RBFOX1: variants seen among roughly 807,000 people sequenced by gnomAD.
RBFOX1 encodes RNA binding protein fox-1 homolog 1.
RBFOX1 carries 8 observed loss-of-function variants against 57.7 expected under a neutral mutation model. The ratio of observed to expected loss-of-function variants is 0.14; its 90% CI spans 0.08 to 0.25. The LOEUF (loss-of-function observed/expected upper bound fraction) is 0.25, where lower values mean the gene tolerates loss of function less well. Ranked by LOEUF, RBFOX1 falls within the 10% of genes least tolerant of loss-of-function variation. The pLI, the probability that RBFOX1 is intolerant of heterozygous loss-of-function variation, is 1.00. For missense variants in RBFOX1, 611 were observed against 548.5 expected (o/e 1.11, Z -1.14); for synonymous variants, 326 against 222.4 (o/e 1.47, Z -4.15).
chr16:7,681,886 C>T (rs1277753182), intron 14 of RBFOX1, among the ~76,000 whole-genome samples: 2 of 152,108 alleles, frequency 1.3e-5, no homozygotes, highest in African/African-American at 4.8e-5. Flanking sequence ...AGCTAAACAG[C>T]AGTAGCAGCC....
intron 1 of RBFOX1, among the ~76,000 whole-genome samples, chr16:6,053,470 G>A (rs1323874396): frequency 6.6e-6 from 1 of 152,208 alleles, no homozygotes; most frequent in Non-Finnish European, 1.5e-5. Flanking sequence ...TGTCACTGCA[G>A]TGGCTGAATG....
intron 4 of RBFOX1, among the ~76,000 whole-genome samples, chr16:7,160,739 A>G (rs971288652): frequency 1.3e-5 from 2 of 151,510 alleles, no homozygotes; most frequent in Non-Finnish European, 2.9e-5. Context: ...TTCTTAACAT[A>G]GGTACCTATG....
chr16:7,687,801 A>G (rs934010420), intron 14 of RBFOX1, among the ~76,000 whole-genome samples: 3 of 152,054 alleles, frequency 2.0e-5, no homozygotes, highest in Non-Finnish European at 4.4e-5. Context: ...TTAAACCCAA[A>G]AGACACAACT....
intron 4 of RBFOX1, among the ~76,000 whole-genome samples, chr16:7,168,045 T>A (rs1479667938): frequency 6.6e-6 from 1 of 152,162 alleles, no homozygotes; most frequent in African/African-American, 2.4e-5. Context: ...TTTTTCCTCC[T>A]TAGAGGAAAA....
Position 7,294,734 on chromosome 16 carries a change from A to G in RBFOX1, c.28-223413A>G, listed in dbSNP as rs186619467. ...AAATGGCATAGAGTAGTTCTTCACA[A>G]AAGTGCTTACGAGGTTTAGATATTG... On this transcript the variant is annotated intron_variant, in intron 4 of 15. Coordinates refer to ENST00000550418, the MANE Select transcript of RBFOX1 (RefSeq NM_018723.4). Among the ~76,000 whole-genome samples the G allele has an allele frequency of 3.3e-5, 5 of 152,212 alleles. No individual in the cohort carries two copies. The East Asian group carries it at 9.7e-4, about 29-fold the overall frequency.
intron 2 of RBFOX1, among the ~76,000 whole-genome samples, chr16:6,598,379 T>G (rs2097800184): frequency 6.6e-6 from 1 of 152,206 alleles, no homozygotes; most frequent in South Asian, 2.1e-4. Flanking sequence ...TAGTAGATGT[T>G]TAGGTAGATG....
At chr16:7,304,158 CG>C in intron 4 of RBFOX1, 1 of 877,394 alleles carries the variant, frequency 1.1e-6, no homozygotes, top group Non-Finnish European at 1.3e-6. Flanking sequence ...GAGGGACCGG[CG>C]GGGTGCGGTG....
chr16:7,310,449 A>T (rs186036421), intron 4 of RBFOX1, among the ~76,000 whole-genome samples: 1 of 152,298 alleles, frequency 6.6e-6, no homozygotes, highest in East Asian at 1.9e-4. Flanking sequence ...GAAGGAGAAG[A>T]TGTTGATCAA....
chr16:6,963,800 G>T (rs2153554451), intron 3 of RBFOX1, among the ~76,000 whole-genome samples: 1 of 150,624 alleles, frequency 6.6e-6, no homozygotes, highest in East Asian at 2.0e-4. Context: ...CCGGGTTCAT[G>T]CCATTCTCCT....
At chr16:6,849,202 C>T (rs1229590276) in intron 3 of RBFOX1, among the ~76,000 whole-genome samples, 1 of 152,170 alleles carries the variant, frequency 6.6e-6, no homozygotes, top group Non-Finnish European at 1.5e-5. Flanking sequence ...AAATTATCCA[C>T]CTATCAGAGA....
At chr16:5,742,314 C>T (rs973371991) in intron 3 of RBFOX1, among the ~76,000 whole-genome samples, 1 of 144,588 alleles carries the variant, frequency 6.9e-6, no homozygotes, top group Non-Finnish European at 1.5e-5. Context: ...CTTCCTCCCT[C>T]CCTCCCTTCC....
chr16:5,811,015 C>A (rs1431222265), intron 3 of RBFOX1, among the ~76,000 whole-genome samples: 1 of 152,234 alleles, frequency 6.6e-6, no homozygotes, highest in Non-Finnish European at 1.5e-5. Flanking sequence ...GTTTGTGTAC[C>A]TTTGCAGTCC....
At chr16:6,068,069 A>T (rs2095790091) in intron 1 of RBFOX1, among the ~76,000 whole-genome samples, 1 of 149,700 alleles carries the variant, frequency 6.7e-6, no homozygotes, top group African/African-American at 2.5e-5. Flanking sequence ...AATTGCCTGC[A>T]ATCTTTTTGA....
chr16:6,181,010 G>C (rs572392996), intron 1 of RBFOX1, among the ~76,000 whole-genome samples: 1 of 152,262 alleles, frequency 6.6e-6, no homozygotes, highest in African/African-American at 2.4e-5. Flanking sequence ...GTGTGTATGT[G>C]GAGGTGTGCA....
At chr16:7,526,104 C>A (rs1004898812) in intron 5 of RBFOX1, among the ~76,000 whole-genome samples, 1 of 152,132 alleles carries the variant, frequency 6.6e-6, no homozygotes, top group African/African-American at 2.4e-5. Context: ...GAAGCGTGAA[C>A]CCTATTGTGA....
chr16:5,417,575 C>T (rs2067194456), intron 1 of RBFOX1, among the ~76,000 whole-genome samples: 2 of 152,150 alleles, frequency 1.3e-5, no homozygotes, highest in Admixed American at 1.3e-4. Flanking sequence ...AGAAGGAAAA[C>T]AACCAGAAGA....
intron 3 of RBFOX1, among the ~76,000 whole-genome samples, chr16:6,944,488 G>A (rs558725857): frequency 6.6e-6 from 1 of 152,022 alleles, no homozygotes; most frequent in South Asian, 2.1e-4. Flanking sequence ...TCTCCACATA[G>A]GTGACAGTGA....
intron 1 of RBFOX1, among the ~76,000 whole-genome samples, chr16:5,266,486 T>C (rs2062861233): frequency 6.6e-6 from 1 of 151,872 alleles, no homozygotes; most frequent in Non-Finnish European, 1.5e-5. Context: ...CCCAGGAATA[T>C]CCTGGAAGGG....
rs538746877 is a variant in RBFOX1 at position 5,459,511 on chromosome 16, C to G, written c.220-7705C>G. ...AGGCTCACGTGACCAACCGCCTGACCACTCTAAATGGATGTCTCAAGGCCA... is the reference window on the plus strand; with the variant it reads ...AGGCTCACGTGACCAACCGCCTGACGACTCTAAATGGATGTCTCAAGGCCA... On this transcript the variant is annotated intron_variant, in intron 1 of 2. Coordinates refer to the RBFOX1 transcript ENST00000585867. Among the ~76,000 whole-genome samples, 4 of 152,268 alleles carry G rather than the reference C, an allele frequency of 2.6e-5. No homozygotes were observed. The South Asian group carries it at 8.3e-4, about 32-fold the overall frequency.
Sources: gnomAD v4.1 joint callset for allele counts (sites outside exome capture counted in the v4.1 genomes callset) on GRCh38, gnomAD v4.1.1 for gene constraint, MANE v1.5 for transcripts, NCBI Gene and HGNC (gene_info 2026-07-23, HGNC 2026-07-21) for gene names.